The following DHRSX variants were observed in gnomAD, a reference collection of about 807,000 sequenced individuals.
DHRSX encodes polyprenol dehydrogenase.
Under a neutral mutation model 34.0 loss-of-function variants are expected in DHRSX, and 31 were observed. That is an observed-to-expected ratio of 0.91 (90% CI 0.69 to 1.23). DHRSX has a LOEUF of 1.23. Among genes scored for constraint, DHRSX ranks in the 50% most tolerant of loss-of-function variants. The pLI is 0.00. For synonymous variants in DHRSX, 201 were observed against 183.8 expected (o/e 1.09, Z -0.76); for missense variants, 414 against 428.1 (o/e 0.97, Z 0.29).
chrX:2,426,687 TTTCC>T (rs1249434239), intron 1 of DHRSX, among the ~76,000 whole-genome samples: 1 of 148,960 alleles, frequency 6.7e-6, no homozygotes, highest in Non-Finnish European at 1.5e-5. Flanking sequence ...CTTCCCTCCC[TTTCC>T]TTCCTTTCTC....
chrX:2,491,908 C>G (rs1753391124), intron 1 of DHRSX, among the ~76,000 whole-genome samples: 1 of 152,150 alleles, frequency 6.6e-6, no homozygotes, highest in South Asian at 2.1e-4. Context: ...CACATACAGG[C>G]CCTTCCAGCT....
chrX:2,288,751 A>G (rs2041834143), intron 4 of DHRSX, among the ~76,000 whole-genome samples: 1 of 152,234 alleles, frequency 6.6e-6, no homozygotes, highest in Admixed American at 6.5e-5. Context: ...AGTAAACCCA[A>G]TATGTGCATG....
intron 2 of DHRSX, among the ~76,000 whole-genome samples, chrX:2,412,273 G>A (rs770867024): frequency 1.3e-5 from 2 of 152,284 alleles, no homozygotes; most frequent in Admixed American, 6.5e-5. Context: ...CAGTGGAGAT[G>A]GGGTTTCACT....
rs763410710 is a variant in DHRSX at position 2,233,503 on chromosome X, G to A, written c.804+9520C>T. On this transcript the variant is annotated intron_variant, in intron 6 of 6. Coordinates refer to ENST00000334651, the MANE Select transcript of DHRSX (RefSeq NM_145177.3). ...CAAGAGCATCTTTGAAGTTCCAGACGCCCGGCTGGGGGGCGCTGGGGAGAC... is the reference window on the plus strand; with the variant it reads ...CAAGAGCATCTTTGAAGTTCCAGACACCCGGCTGGGGGGCGCTGGGGAGAC... Among the ~76,000 whole-genome samples, 3 of 152,152 alleles carry A rather than the reference G, an allele frequency of 2.0e-5. No individual in the cohort carries two copies. The East Asian group carries it at 5.8e-4, about 29-fold the overall frequency.
At chrX:2,255,713 C>G (rs1035966209) in intron 5 of DHRSX, among the ~76,000 whole-genome samples, 2 of 151,780 alleles carry the variant, frequency 1.3e-5, no homozygotes, top group Non-Finnish European at 2.9e-5. Flanking sequence ...GAGTTCGAGA[C>G]CAGCCTGACC....
chrX:2,455,232 G>T (rs2044280033), intron 1 of DHRSX, among the ~76,000 whole-genome samples: 1 of 151,964 alleles, frequency 6.6e-6, no homozygotes. Flanking sequence ...ACTGATAAGT[G>T]GTAGGTAAGC....
chrX:2,221,258 T>A, intron 6 of DHRSX, 29 bp from the exon 7 acceptor site: 1 of 1,603,356 alleles, frequency 6.2e-7, no homozygotes, highest in Non-Finnish European at 8.5e-7. Flanking sequence ...AAGGCTACGA[T>A]GAGTCAAATT....
chrX:2,327,938 G>A (rs755573938), intron 3 of DHRSX, among the ~76,000 whole-genome samples: 5 of 152,182 alleles, frequency 3.3e-5, no homozygotes, highest in Non-Finnish European at 7.4e-5. Context: ...AAATTAGCTA[G>A]GCATGGTGGC....
intron 3 of DHRSX, among the ~76,000 whole-genome samples, chrX:2,293,923 C>A (rs1178219793): frequency 6.6e-6 from 1 of 151,894 alleles, no homozygotes; most frequent in Non-Finnish European, 1.5e-5. Context: ...GCTCTATGAG[C>A]CTTACTCTCC....
At chrX:2,412,214 C>T (rs1211866824) in intron 2 of DHRSX, among the ~76,000 whole-genome samples, 3 of 152,076 alleles carry the variant, frequency 2.0e-5, no homozygotes, top group African/African-American at 4.8e-5. Context: ...CAGGGGAGGG[C>T]GTTACATGTT....
intron 3 of DHRSX, among the ~76,000 whole-genome samples, chrX:2,336,818 A>C (rs1422551419): frequency 1.3e-5 from 2 of 148,216 alleles, no homozygotes; most frequent in African/African-American, 5.0e-5. Context: ...GTGGTCGTTT[A>C]TTACAGCAGC....
chrX:2,293,184 C>T (rs1248034550), intron 3 of DHRSX, among the ~76,000 whole-genome samples: 3 of 151,366 alleles, frequency 2.0e-5, no homozygotes, highest in Non-Finnish European at 4.4e-5. Flanking sequence ...ATATCAACTT[C>T]ACTCTTTCTC....
chrX:2,263,543 T>C (rs1199794107), intron 5 of DHRSX, among the ~76,000 whole-genome samples: 4 of 150,750 alleles, frequency 2.7e-5, no homozygotes, highest in African/African-American at 7.4e-5. Flanking sequence ...GACGGAATTT[T>C]GCTGTTGTTA....
At chrX:2,346,992 T>C (rs1341466669) in intron 3 of DHRSX, among the ~76,000 whole-genome samples, 1 of 152,234 alleles carries the variant, frequency 6.6e-6, no homozygotes, top group Non-Finnish European at 1.5e-5. Flanking sequence ...TTCTTTTTTA[T>C]GGCTGCATAG....
intron 1 of DHRSX, among the ~76,000 whole-genome samples, chrX:2,445,866 T>TC (rs2044125346): frequency 1.4e-5 from 2 of 145,972 alleles, no homozygotes; most frequent in South Asian, 4.4e-4. Flanking sequence ...AGCATGTGGC[T>TC]AAGGGACTCC....
At chrX:2,370,892 T>C (rs2043050578) in intron 3 of DHRSX, among the ~76,000 whole-genome samples, 1 of 152,146 alleles carries the variant, frequency 6.6e-6, no homozygotes, top group African/African-American at 2.4e-5. Flanking sequence ...CCACAGGGTT[T>C]GGCAGCTTTT....
chrX:2,325,098 C>T (rs1207880327), intron 3 of DHRSX, among the ~76,000 whole-genome samples: 2 of 151,948 alleles, frequency 1.3e-5, no homozygotes, highest in Non-Finnish European at 2.9e-5. Context: ...CGAAAAGCAG[C>T]CCCAAGTCAT....
intron 1 of DHRSX, among the ~76,000 whole-genome samples, chrX:2,468,935 C>A (rs1413843621): frequency 2.0e-5 from 3 of 151,668 alleles, no homozygotes; most frequent in African/African-American, 7.3e-5. Flanking sequence ...TGAAGACGTT[C>A]CCTAAGTATG....
intron 3 of DHRSX, among the ~76,000 whole-genome samples, chrX:2,371,549 G>GTTACCATAGTCCCTCCTTCCA (rs1233944875): frequency 4.8e-4 from 30 of 62,276 alleles, no homozygotes; most frequent in African/African-American, 8.9e-4. Flanking sequence ...CCGTCCTTCT[G>GTTACCATAGTCCCTCCTTCCA]TTACCATAGT....
Sources: gnomAD v4.1 joint callset for allele counts (sites outside exome capture counted in the v4.1 genomes callset) on GRCh38, gnomAD v4.1.1 for gene constraint, MANE v1.5 for transcripts, NCBI Gene and HGNC (gene_info 2026-07-23, HGNC 2026-07-21) for gene names.